AGBL4: variants seen among roughly 807,000 people sequenced by gnomAD.
AGBL4 encodes cytosolic carboxypeptidase 6.
AGBL4 carries 58 observed loss-of-function variants against 66.4 expected under a neutral mutation model. The observed-to-expected ratio is 0.87, with a 90% CI of 0.71 to 1.09. The LOEUF is 1.09. Among genes scored for constraint, AGBL4 ranks in the 50% least tolerant of loss-of-function variants. The probability of loss-of-function intolerance (pLI) is 0.00; values close to 1 mark genes in which losing one functional copy is unlikely to be tolerated. For missense variants in AGBL4, 579 were observed against 631.0 expected (o/e 0.92, Z 0.88); for synonymous variants, 234 against 222.9 (o/e 1.05, Z -0.44).
chr1:49,146,688 T>C (rs1646224447), intron 4 of AGBL4, among the ~76,000 whole-genome samples: 1 of 152,240 alleles, frequency 6.6e-6, no homozygotes, highest in African/African-American at 2.4e-5. Flanking sequence ...ACCATTGTCC[T>C]GAGCCCATGA....
intron 3 of AGBL4, among the ~76,000 whole-genome samples, chr1:49,338,922 T>G (rs932249060): frequency 1.3e-5 from 2 of 152,106 alleles, no homozygotes; most frequent in Non-Finnish European, 2.9e-5. Context: ...AAGTATGTGT[T>G]TTTTGAATGA....
At chr1:49,156,929 C>T (rs748535131) in intron 4 of AGBL4, among the ~76,000 whole-genome samples, 1 of 152,054 alleles carries the variant, frequency 6.6e-6, no homozygotes, top group Non-Finnish European at 1.5e-5. Context: ...ACTTAACATT[C>T]AGGCAAACAT....
chr1:49,171,821 G>T (rs1432303894), intron 4 of AGBL4, among the ~76,000 whole-genome samples: 1 of 152,148 alleles, frequency 6.6e-6, no homozygotes, highest in African/African-American at 2.4e-5. Context: ...TTATCAATAT[G>T]TTTTTCTATG....
chr1:49,633,426 T>C (rs1382737766), intron 3 of AGBL4, among the ~76,000 whole-genome samples: 10 of 152,128 alleles, frequency 6.6e-5, no homozygotes, highest in Non-Finnish European at 1.2e-4. Context: ...ACAGCAAAAC[T>C]TTCCAGAAAG....
intron 2 of AGBL4, among the ~76,000 whole-genome samples, chr1:49,700,066 T>C (rs1433291487): frequency 1.6e-4 from 24 of 151,712 alleles, no homozygotes; most frequent in African/African-American, 5.1e-4. Flanking sequence ...ATTTTGGATA[T>C]AATATCAACT....
chr1:49,250,283 T>C (rs778883439), intron 3 of AGBL4, among the ~76,000 whole-genome samples: 2 of 151,924 alleles, frequency 1.3e-5, no homozygotes, highest in Non-Finnish European at 2.9e-5. Context: ...CTGACTAGAC[T>C]CAAATAAGTG....
Position 50,023,884 on chromosome 1 carries a change from C to A in AGBL4, c.-88G>T. 7.1e-7 allele frequency: 1 copy of A among 1,418,390 alleles called. No individual in the cohort carries two copies. The highest frequency in any genetic ancestry group is 2.9e-5 in the East Asian group (1 of 34,948). The allele number at this position is 1,418,390 out of a possible 1,614,324, so 87.9% of individuals were successfully genotyped here. A position where few individuals can be genotyped will look rare whatever the true frequency, so the allele number is the denominator to read the frequency against. On this transcript the variant is annotated 5_prime_UTR_variant, in exon 1 of 14. Transcript: ENST00000371839. ...GGGATCAGTGGGCTGACAGGAGCTA[C>A]CTCAGGAAGACGCGGCACGACGGTT...
intron 3 of AGBL4, among the ~76,000 whole-genome samples, chr1:49,251,425 C>T (rs1271463471): frequency 6.6e-6 from 1 of 152,160 alleles, no homozygotes; most frequent in Non-Finnish European, 1.5e-5. Context: ...AAGCCCCACC[C>T]CTGCCAGTGC....
chr1:49,758,505 G>C (rs956210152), intron 2 of AGBL4, among the ~76,000 whole-genome samples: 2 of 152,072 alleles, frequency 1.3e-5, no homozygotes, highest in African/African-American at 4.8e-5. Flanking sequence ...CAGGGTCATG[G>C]GAGGCCACCT....
At chr1:48,909,543 G>A (rs1444713430) in intron 5 of AGBL4, among the ~76,000 whole-genome samples, 2 of 152,208 alleles carry the variant, frequency 1.3e-5, no homozygotes, top group Non-Finnish European at 2.9e-5. Flanking sequence ...ACACACCATT[G>A]TTGAAGACTG....
intron 5 of AGBL4, among the ~76,000 whole-genome samples, chr1:48,943,143 C>T (rs1033569311): frequency 7.2e-5 from 11 of 152,192 alleles, no homozygotes; most frequent in African/African-American, 1.9e-4. Context: ...TAAAGATTGT[C>T]TGCAGCCGCA....
At chr1:49,126,553 A>G (rs1645768333) in intron 4 of AGBL4, among the ~76,000 whole-genome samples, 1 of 152,150 alleles carries the variant, frequency 6.6e-6, no homozygotes, top group Admixed American at 6.6e-5. Flanking sequence ...AACTATTATA[A>G]ATAGGCATGA....
intron 5 of AGBL4, among the ~76,000 whole-genome samples, chr1:49,042,056 A>G (rs980195112): frequency 3.3e-5 from 5 of 151,962 alleles, no homozygotes; most frequent in Admixed American, 3.3e-4. Context: ...CCTTAATTAT[A>G]TATGTTTTAA....
At chr1:49,766,494 C>A (rs1652740794) in intron 2 of AGBL4, among the ~76,000 whole-genome samples, 1 of 152,016 alleles carries the variant, frequency 6.6e-6, no homozygotes, top group African/African-American at 2.4e-5. Context: ...AAGTACATAG[C>A]TAACAACCCC....
chr1:49,387,412 T>G (rs1422205323), intron 3 of AGBL4, among the ~76,000 whole-genome samples: 1 of 151,972 alleles, frequency 6.6e-6, no homozygotes, highest in Non-Finnish European at 1.5e-5. Flanking sequence ...TTATTAAAGT[T>G]TTGACTATTT....
chr1:48,734,047 G>C (rs1236492101), intron 6 of AGBL4, among the ~76,000 whole-genome samples: 1 of 152,194 alleles, frequency 6.6e-6, no homozygotes, highest in Non-Finnish European at 1.5e-5. Context: ...TCACCTACCA[G>C]GCAGGGCAGG....
intron 5 of AGBL4, among the ~76,000 whole-genome samples, chr1:48,882,032 T>C (rs1438878459): frequency 6.6e-6 from 1 of 152,184 alleles, no homozygotes; most frequent in Non-Finnish European, 1.5e-5. Context: ...GAGGATTGCT[T>C]GAGGTCAGGA....
chr1:49,718,607 C>A (rs1447670231), intron 2 of AGBL4, among the ~76,000 whole-genome samples: 1 of 151,960 alleles, frequency 6.6e-6, no homozygotes, highest in Non-Finnish European at 1.5e-5. Context: ...TTCTGTTCAT[C>A]CATTGACAGT....
At chr1:49,222,342 A>G (rs1207455260) in intron 4 of AGBL4, among the ~76,000 whole-genome samples, 2 of 152,102 alleles carry the variant, frequency 1.3e-5, no homozygotes, top group African/African-American at 2.4e-5. Flanking sequence ...AAAATAGAGC[A>G]CAATCAGAAA....
Sources: allele counts gnomAD v4.1 joint callset (sites outside exome capture counted in the v4.1 genomes callset), GRCh38; gene constraint gnomAD v4.1.1; transcripts MANE v1.5; gene names NCBI Gene and HGNC (gene_info 2026-07-23, HGNC 2026-07-21).